Variants in PCLO observed in about 807,000 individuals in gnomAD.
The protein encoded by PCLO is protein piccolo.
A neutral mutation model predicts 427.5 loss-of-function variants in PCLO; 82 were observed. That is an observed-to-expected ratio of 0.19 (90% CI 0.16 to 0.23). The LOEUF is 0.23. Among genes scored for constraint, PCLO ranks in the 10% least tolerant of loss-of-function variants. PCLO has a pLI of 1.00. For synonymous variants in PCLO, 2,357 were observed against 2,155.4 expected, an observed-to-expected ratio of 1.09 and a Z score of -2.59; for missense variants, 6,239 against 6,115.9, an observed-to-expected ratio of 1.02 and a Z score of -0.67.
intron 3 of PCLO, among the ~76,000 whole-genome samples, chr7:83,057,782 AT>A (rs1414339340): frequency 6.6e-6 from 1 of 152,170 alleles, no homozygotes; most frequent in African/African-American, 2.4e-5. Context: ...TGGAAAGAAA[AT>A]CAAAATCTTA....
intron 10 of PCLO, chr7:82,849,006 A>C (rs933589286): frequency 1.3e-4 from 35 of 271,276 alleles, no homozygotes; most frequent in Non-Finnish European, 2.6e-4. Context: ...AAAGAGGAAA[A>C]TAAAGCACTT....
intron 13 of PCLO, among the ~76,000 whole-genome samples, chr7:82,841,916 A>T (rs1273009124): frequency 6.6e-6 from 1 of 152,116 alleles, no homozygotes; most frequent in African/African-American, 2.4e-5. Context: ...GAAGGTAGAA[A>T]AGTCCTTCTT....
intron 2 of PCLO, among the ~76,000 whole-genome samples, chr7:83,152,588 T>C (rs570919239): frequency 7.4e-4 from 112 of 152,330 alleles, no homozygotes; most frequent in African/African-American, 2.3e-3. Context: ...ACATTTATTC[T>C]TGACTCCCTA....
At chr7:82,830,051 TATATTA>T (rs1792054759) in intron 16 of PCLO, among the ~76,000 whole-genome samples, 1 of 151,914 alleles carries the variant, frequency 6.6e-6, no homozygotes, top group African/African-American at 2.4e-5. Flanking sequence ...GACATACATA[TATATTA>T]ATATCGTAAG....
At chr7:83,015,659 TAAATGTA>T (rs1473289676) in intron 3 of PCLO, among the ~76,000 whole-genome samples, 1 of 152,120 alleles carries the variant, frequency 6.6e-6, no homozygotes, top group Non-Finnish European at 1.5e-5. Flanking sequence ...CAAGGCCAAA[TAAATGTA>T]ACATGTATTA....
chr7:82,761,111 T>C lies in PCLO; in HGVS notation c.15142+248A>G, dbSNP rs192183370. Among the ~76,000 whole-genome samples, 943 of 151,806 alleles carry C rather than the reference T, an allele frequency of 6.2e-3. 8 individuals are homozygous for C. The highest frequency in any genetic ancestry group is 0.022 in the African/African-American group (899 of 41,466). On this transcript the variant is annotated intron_variant, in intron 23 of 24. Transcript: ENST00000333891. ...ACAGGCAGGAGCGACCACACCTAAC[T>C]GATATATCTATTTTTCTTAACAATT...
chr7:82,900,165 C>T (rs1203125660), intron 9 of PCLO, among the ~76,000 whole-genome samples: 1 of 151,596 alleles, frequency 6.6e-6, no homozygotes, highest in South Asian at 2.1e-4. Context: ...AAGTTACCTA[C>T]TCTTAAAAGG....
chr7:83,011,072 T>G (rs975836305), intron 3 of PCLO, among the ~76,000 whole-genome samples: 2 of 152,070 alleles, frequency 1.3e-5, no homozygotes, highest in Non-Finnish European at 2.9e-5. Flanking sequence ...CTTTTGGCCT[T>G]TAATCTTTGT....
At chr7:83,121,280 G>A (rs1171027366) in intron 3 of PCLO, among the ~76,000 whole-genome samples, 2 of 152,110 alleles carry the variant, frequency 1.3e-5, no homozygotes, top group African/African-American at 4.8e-5. Context: ...TTGTTTGTTT[G>A]TTGTTGCTAC....
chr7:83,154,780 A>T lies in PCLO; in HGVS notation c.1861T>A (p.Cys621Ser). 6.2e-7 allele frequency: 1 copy of T among 1,613,862 alleles called. No homozygotes were observed. The highest frequency in any genetic ancestry group is 8.5e-7 in the Non-Finnish European group (1 of 1,179,738). Residue 621 changes from cysteine (C) to serine (S), a missense_variant, in exon 2 of 25, where the codon TGT becomes AGT. Coordinates refer to ENST00000333891, the MANE Select transcript of PCLO (RefSeq NM_033026.6). ...AAATGAGGATTGGGATTAAAACCACAGAGACTACAGACAGTGGTTTGACAC... is the reference window on the plus strand; with the variant it reads ...AAATGAGGATTGGGATTAAAACCACTGAGACTACAGACAGTGGTTTGACAC... ...TECQTTVCSLCGFNPNPHLTE... is the reference protein window; with the variant it reads ...TECQTTVCSLSGFNPNPHLTE...
chr7:82,888,646 A>T (rs761083949), intron 9 of PCLO, among the ~76,000 whole-genome samples: 5 of 152,188 alleles, frequency 3.3e-5, no homozygotes, highest in African/African-American at 7.2e-5. Context: ...CTATATTTTC[A>T]ATGATTTCAA....
intron 3 of PCLO, among the ~76,000 whole-genome samples, chr7:82,986,083 T>G (rs1352886778): frequency 6.6e-6 from 1 of 151,960 alleles, no homozygotes; most frequent in Non-Finnish European, 1.5e-5. Context: ...GATTAAATTT[T>G]TCTTATAGTT....
intron 3 of PCLO, among the ~76,000 whole-genome samples, chr7:83,029,961 T>C (rs1788616899): frequency 2.1e-5 from 2 of 95,768 alleles, no homozygotes; most frequent in South Asian, 8.2e-4. Flanking sequence ...GGGACTGTTG[T>C]GGGGTGGGGG....
At chr7:83,093,941 CAAT>C (rs1368076718) in intron 3 of PCLO, among the ~76,000 whole-genome samples, 1 of 150,946 alleles carries the variant, frequency 6.6e-6, no homozygotes, top group African/African-American at 2.4e-5. Flanking sequence ...CATTTCCTCC[CAAT>C]AATATCTTGC....
chr7:83,016,781 G>T (rs897825478), intron 3 of PCLO, among the ~76,000 whole-genome samples: 1 of 152,020 alleles, frequency 6.6e-6, no homozygotes. Context: ...AAGAATGGAC[G>T]CTGCGTACTG....
chr7:82,823,459 C>T lies in PCLO; in HGVS notation c.14597-770G>A, dbSNP rs577710936. On this transcript the variant is annotated intron_variant, in intron 19 of 24. Transcript: ENST00000333891. Reference sequence around the variant, plus strand: ...TCCAATATAAAAATTATATTTAATACTTACAAATAGTTCAGTATATCTAGG... The same window carrying T: ...TCCAATATAAAAATTATATTTAATATTTACAAATAGTTCAGTATATCTAGG... 3.9e-5 allele frequency among the ~76,000 whole-genome samples: 6 copies of T among 152,232 alleles called. No homozygotes were observed. In the South Asian group the frequency reaches 1.0e-3, roughly 26 times the overall value.
intron 6 of PCLO, among the ~76,000 whole-genome samples, chr7:82,935,208 A>G (rs1310183281): frequency 6.7e-6 from 1 of 149,924 alleles, no homozygotes; most frequent in East Asian, 1.9e-4. Flanking sequence ...AAAAAAAAAA[A>G]AAAAAAAAAA....
chr7:82,898,492 G>C (rs1056153184), intron 9 of PCLO, among the ~76,000 whole-genome samples: 1 of 151,254 alleles, frequency 6.6e-6, no homozygotes, highest in Non-Finnish European at 1.5e-5. Context: ...AGTTAGAACT[G>C]TCTATTAAAA....
At chr7:83,161,000 CTT>C (rs981342157) in intron 1 of PCLO, among the ~76,000 whole-genome samples, 1 of 151,996 alleles carries the variant, frequency 6.6e-6, no homozygotes, top group African/African-American at 2.4e-5. Context: ...ACAAGAAAGA[CTT>C]TTTCCAAATA....
Sources: gnomAD v4.1 joint callset for allele counts (sites outside exome capture counted in the v4.1 genomes callset) on GRCh38, gnomAD v4.1.1 for gene constraint, MANE v1.5 for transcripts, NCBI Gene and HGNC (gene_info 2026-07-23, HGNC 2026-07-21) for gene names.